CSMD1: variants seen among roughly 807,000 people sequenced by gnomAD.
CSMD1 encodes CUB and sushi domain-containing protein 1.
In CSMD1, 213 loss-of-function variants were observed where a neutral mutation model predicts 417.5. That is an observed-to-expected ratio of 0.51 (90% CI 0.46 to 0.57). CSMD1 has a LOEUF of 0.57. Ranked by LOEUF, CSMD1 falls within the 20% of genes least tolerant of loss-of-function variation. The probability of loss-of-function intolerance (pLI) is 0.00; values close to 1 mark genes in which losing one functional copy is unlikely to be tolerated. For missense variants in CSMD1, 6,923 were observed against 4,529.7 expected, an observed-to-expected ratio of 1.53 and a Z score of -15.17; for synonymous variants, 2,862 against 1,736.8, an observed-to-expected ratio of 1.65 and a Z score of -16.11.
At chr8:3,231,528 T>C (rs1242029652) in intron 26 of CSMD1, among the ~76,000 whole-genome samples, 1 of 152,166 alleles carries the variant, frequency 6.6e-6, no homozygotes, top group Non-Finnish European at 1.5e-5. Context: ...TATGTCTACA[T>C]ATGGATAGAT....
chr8:3,292,149 C>T (rs1803627243), intron 25 of CSMD1, among the ~76,000 whole-genome samples: 1 of 152,120 alleles, frequency 6.6e-6, no homozygotes, highest in South Asian at 2.1e-4. Flanking sequence ...GAATGAGTTT[C>T]TTTATCTTGA....
chr8:4,842,875 A>G lies in CSMD1; in HGVS notation c.85+151457T>C, dbSNP rs115637809. On this transcript the variant is annotated intron_variant, in intron 1 of 69. Transcript: ENST00000635120. ...TTTTTCAACGCTTAAAGGCTTATCA[A>G]TAGAACAATGGAAACGTAGAATTGG... Among the ~76,000 whole-genome samples the G allele has an allele frequency of 3.1e-3, 472 of 152,314 alleles. 2 individuals are homozygous for G. The highest frequency in any genetic ancestry group is 0.011 in the African/African-American group (457 of 41,572).
chr8:3,810,599 T>G (rs983122747), intron 5 of CSMD1, among the ~76,000 whole-genome samples: 1 of 152,174 alleles, frequency 6.6e-6, no homozygotes. Context: ...CCGACAGTTC[T>G]CCCTTGTCAC....
At chr8:4,471,036 C>T (rs941770152) in intron 2 of CSMD1, among the ~76,000 whole-genome samples, 19 of 152,110 alleles carry the variant, frequency 1.2e-4, no homozygotes, top group African/African-American at 3.9e-4. Context: ...ATCTTTTGAA[C>T]TTGCAAGGTC....
At chr8:4,582,964 G>C (rs1201920555) in intron 2 of CSMD1, among the ~76,000 whole-genome samples, 3 of 152,340 alleles carry the variant, frequency 2.0e-5, no homozygotes, top group East Asian at 3.9e-4. Context: ...GAGGGACATA[G>C]CACCCGGGCC....
At chr8:3,242,306 C>T (rs1799590641) in intron 26 of CSMD1, among the ~76,000 whole-genome samples, 2 of 149,512 alleles carry the variant, frequency 1.3e-5, no homozygotes, top group Non-Finnish European at 3.0e-5. Flanking sequence ...AGGGAGAGGT[C>T]AGATGGGGCT....
chr8:3,749,693 T>G (rs2720849), intron 6 of CSMD1, among the ~76,000 whole-genome samples: 26,506 of 152,172 alleles, frequency 0.17, 2,991 homozygotes, highest in African/African-American at 0.32. Flanking sequence ...AGACCACCAG[T>G]GGGCTGATTT....
At chr8:3,041,408 T>C (rs997685237) in intron 50 of CSMD1, among the ~76,000 whole-genome samples, 1 of 152,204 alleles carries the variant, frequency 6.6e-6, no homozygotes, top group African/African-American at 2.4e-5. Flanking sequence ...ATCATAAATA[T>C]GCTTGAAAAG....
At chr8:4,048,311 A>G (rs908342028) in intron 3 of CSMD1, among the ~76,000 whole-genome samples, 21 of 152,204 alleles carry the variant, frequency 1.4e-4, no homozygotes, top group Non-Finnish European at 7.3e-5. Flanking sequence ...GGTTACACAA[A>G]GAGGGGAGTC....
chr8:3,386,515 A>G (rs554413395), intron 18 of CSMD1, among the ~76,000 whole-genome samples: 1 of 152,288 alleles, frequency 6.6e-6, no homozygotes, highest in South Asian at 2.1e-4. Context: ...AAGGTCAAAG[A>G]TTTTGAGTGA....
At chr8:4,612,622 G>A (rs1040435257) in intron 2 of CSMD1, among the ~76,000 whole-genome samples, 1 of 152,132 alleles carries the variant, frequency 6.6e-6, no homozygotes, top group Non-Finnish European at 1.5e-5. Flanking sequence ...GAGGACAAGG[G>A]TAAGGCCACT....
intron 3 of CSMD1, among the ~76,000 whole-genome samples, chr8:4,408,681 A>T (rs1796474384): frequency 6.6e-6 from 1 of 152,176 alleles, no homozygotes; most frequent in Non-Finnish European, 1.5e-5. Flanking sequence ...ATTTTCTTGA[A>T]ACCAAGAATA....
intron 1 of CSMD1, among the ~76,000 whole-genome samples, chr8:4,664,574 T>G (rs1804802206): frequency 1.3e-5 from 2 of 151,886 alleles, no homozygotes; most frequent in South Asian, 2.1e-4. Flanking sequence ...AATAAAGAAA[T>G]AAATAAATAA....
intron 3 of CSMD1, among the ~76,000 whole-genome samples, chr8:4,054,037 G>T (rs1473828184): frequency 6.6e-6 from 1 of 152,124 alleles, no homozygotes; most frequent in South Asian, 2.1e-4. Flanking sequence ...GCTTTGCTTA[G>T]GAAGTTCACT....
At chr8:3,874,930 TG>T (rs1476825982) in intron 5 of CSMD1, among the ~76,000 whole-genome samples, 1 of 152,042 alleles carries the variant, frequency 6.6e-6, no homozygotes, top group Non-Finnish European at 1.5e-5. Context: ...GGGAAGACCT[TG>T]GGGCCTGACA....
intron 2 of CSMD1, among the ~76,000 whole-genome samples, chr8:4,587,360 A>G (rs557714409): frequency 3.3e-5 from 5 of 152,048 alleles, no homozygotes; most frequent in Non-Finnish European, 7.3e-5. Context: ...TCAAAGCATC[A>G]AGTTCTTGAT....
intron 41 of CSMD1, among the ~76,000 whole-genome samples, chr8:3,132,192 A>C (rs980355785): frequency 6.6e-6 from 1 of 152,188 alleles, no homozygotes; most frequent in Non-Finnish European, 1.5e-5. Context: ...TATCTCAGTC[A>C]CAGAGAGGAT....
intron 3 of CSMD1, among the ~76,000 whole-genome samples, chr8:4,196,010 G>C (rs1257170327): frequency 2.0e-5 from 3 of 152,058 alleles, no homozygotes. Context: ...ATGCGATCGA[G>C]ACCATCCTGG....
intron 20 of CSMD1, among the ~76,000 whole-genome samples, chr8:3,361,651 CAAAAAAAAA>C (rs765648287): frequency 2.5e-5 from 2 of 79,212 alleles, no homozygotes; most frequent in East Asian, 8.6e-4. Flanking sequence ...GATTCCATCT[CAAAAAAAAA>C]AAAAAAAAAA....
Sources: allele counts gnomAD v4.1 joint callset (sites outside exome capture counted in the v4.1 genomes callset), GRCh38; gene constraint gnomAD v4.1.1; transcripts MANE v1.5; gene names NCBI Gene and HGNC (gene_info 2026-07-23, HGNC 2026-07-21).